OPHN1: variants seen among roughly 807,000 people sequenced by gnomAD.
OPHN1 encodes oligophrenin-1.
In OPHN1, 11 loss-of-function variants were observed where a neutral mutation model predicts 60.7. The observed-to-expected ratio is 0.18, with a 90% CI of 0.11 to 0.30. OPHN1 has a LOEUF of 0.30. Among genes scored for constraint, OPHN1 ranks in the 10% least tolerant of loss-of-function variants. The probability of loss-of-function intolerance (pLI) is 1.00; values close to 1 mark genes in which losing one functional copy is unlikely to be tolerated. For missense variants in OPHN1, 449 were observed against 611.0 expected, an observed-to-expected ratio of 0.73 and a Z score of 2.80; for synonymous variants, 226 against 222.6, an observed-to-expected ratio of 1.02 and a Z score of -0.14.
chrX:68,174,618 C>T (rs1397495715), intron 15 of OPHN1, among the ~76,000 whole-genome samples: 7 of 108,236 alleles, frequency 6.5e-5, no homozygotes, highest in Non-Finnish European at 1.1e-4. Flanking sequence ...ACTATAAGCC[C>T]AAGCCACCAC....
At chrX:68,140,367 A>C (rs1213504996) in intron 15 of OPHN1, among the ~76,000 whole-genome samples, 1 of 112,401 alleles carries the variant, frequency 8.9e-6, no homozygotes, top group Non-Finnish European at 1.9e-5. Context: ...GTCTATAATC[A>C]GAAAAGCAAA....
At chrX:68,429,450 G>C (rs2078874898) in intron 2 of OPHN1, among the ~76,000 whole-genome samples, 2 of 110,834 alleles carry the variant, frequency 1.8e-5, no homozygotes, top group Non-Finnish European at 3.8e-5. Flanking sequence ...TTGGCTGGGT[G>C]TGGTGACTCA....
chrX:68,215,370 C>T (rs1387477755), intron 6 of OPHN1, among the ~76,000 whole-genome samples: 2 of 110,900 alleles, frequency 1.8e-5, no homozygotes, highest in Non-Finnish European at 3.8e-5. Context: ...TTTCAGAGTA[C>T]CAATAGGAGA....
At chrX:68,227,079 A>T (rs143654645) in intron 6 of OPHN1, among the ~76,000 whole-genome samples, 2,544 of 111,395 alleles carry the variant, frequency 0.023, 67 homozygotes, top group African/African-American at 0.078. Context: ...AAGCAAATGG[A>T]AAACAAAAAA....
chrX:68,379,908 C>T (rs779764406), intron 2 of OPHN1, among the ~76,000 whole-genome samples: 1 of 109,125 alleles, frequency 9.2e-6, no homozygotes, highest in Admixed American at 9.7e-5. Context: ...TGTGTCTCTG[C>T]CCGGCTTTGG....
At chrX:68,419,319 C>A (rs988483661) in intron 2 of OPHN1, among the ~76,000 whole-genome samples, 1 of 109,081 alleles carries the variant, frequency 9.2e-6, no homozygotes, top group African/African-American at 3.3e-5. Flanking sequence ...ACTCTGCTAG[C>A]GTGGCCATCC....
chrX:68,375,525 T>C (rs150158431), intron 2 of OPHN1, among the ~76,000 whole-genome samples: 3,043 of 111,267 alleles, frequency 0.027, 46 homozygotes, highest in Non-Finnish European at 0.043. Context: ...TTTACTTAGA[T>C]GAGAAGAGCT....
chrX:68,226,470 C>A, intron 6 of OPHN1, among the ~76,000 whole-genome samples: 1 of 111,265 alleles, frequency 9.0e-6, no homozygotes, highest in East Asian at 2.8e-4. Context: ...ATGTTAAGGG[C>A]AGCCAGAGAG....
At chrX:68,053,907 C>T (rs2076862492) in intron 21 of OPHN1, 97 bp from the exon 22 acceptor site, 1 of 892,694 alleles carries the variant, frequency 1.1e-6, no homozygotes, top group Non-Finnish European at 1.6e-6. Flanking sequence ...GGGCCAACTT[C>T]CTTGGCCTCC....
At chrX:68,232,028 T>G (rs1016227749) in intron 6 of OPHN1, among the ~76,000 whole-genome samples, 1 of 111,901 alleles carries the variant, frequency 8.9e-6, no homozygotes, top group African/African-American at 3.2e-5. Context: ...CTATTTAATT[T>G]TCTGTAAACC....
Position 68,312,252 on chromosome X carries a change from ATTTTTTTT to A in OPHN1, c.155-13164_155-13157del, listed in dbSNP as rs1238021221. 3.2e-3 allele frequency among the ~76,000 whole-genome samples: 221 copies of A among 69,819 alleles called. 1 individual carries two copies. The highest frequency in any genetic ancestry group is 0.013 in the African/African-American group (200 of 15,000). 60.6% of individuals were successfully genotyped at this position (69,819 alleles called of 115,157 possible). ...TGGCATGTACCACTAGGCTCGGCTAATTTTTTTTTTTTTTTTTTTTTTTTGTAGAGACG... is the reference window on the plus strand; with the variant it reads ...TGGCATGTACCACTAGGCTCGGCTAATTTTTTTTTTTTTTTTGTAGAGACG... On this transcript the variant is annotated intron_variant, in intron 2 of 24. Coordinates refer to ENST00000355520, the MANE Select transcript of OPHN1 (RefSeq NM_002547.3).
chrX:68,069,155 G>T (rs1345569138), intron 20 of OPHN1, among the ~76,000 whole-genome samples: 1 of 111,815 alleles, frequency 8.9e-6, no homozygotes, highest in African/African-American at 3.3e-5. Flanking sequence ...ACCACAGAGG[G>T]GCAAATTGAG....
intron 2 of OPHN1, among the ~76,000 whole-genome samples, chrX:68,416,109 G>C (rs2078797766): frequency 1.1e-5 from 1 of 92,320 alleles, no homozygotes; most frequent in Non-Finnish European, 2.1e-5. Flanking sequence ...GAGAGAGAGA[G>C]AGCGCTCACT....
chrX:68,416,546 G>C (rs959776992), intron 2 of OPHN1, among the ~76,000 whole-genome samples: 3 of 111,692 alleles, frequency 2.7e-5, no homozygotes, highest in African/African-American at 9.8e-5. Flanking sequence ...AGTTTCTTGA[G>C]ATCAGAACTG....
At chrX:68,323,360 C>T (rs1359096174) in intron 2 of OPHN1, among the ~76,000 whole-genome samples, 1 of 111,520 alleles carries the variant, frequency 9.0e-6, no homozygotes, top group Non-Finnish European at 1.9e-5. Flanking sequence ...TTTCTCTTCC[C>T]TCACATGTCT....
In OPHN1 at chrX:68,201,606, C is replaced by A. The variant is rs369440570; in HGVS notation, c.1025+13G>T. 8.4e-7 allele frequency: 1 copy of A among 1,195,709 alleles called. No individual in the cohort carries two copies. Among genetic ancestry groups the A allele is most frequent in the Non-Finnish European group, 1.1e-6 (1 of 881,017 alleles). On this transcript the variant is annotated intron_variant, in intron 11 of 24. Transcript: ENST00000355520. Reference sequence around the variant, plus strand: ...ACGTGGGGACATTGCCAATTCACAGCGGCACAGCTTACCTTTCATTAGTTT... The same window carrying A: ...ACGTGGGGACATTGCCAATTCACAGAGGCACAGCTTACCTTTCATTAGTTT...
At chrX:68,119,694 C>T (rs1232244682) in intron 15 of OPHN1, among the ~76,000 whole-genome samples, 2 of 111,379 alleles carry the variant, frequency 1.8e-5, no homozygotes, top group East Asian at 2.8e-4. Context: ...AAACTCCTTG[C>T]GAACCAGCAC....
intron 3 of OPHN1, among the ~76,000 whole-genome samples, chrX:68,285,901 T>C (rs1315111735): frequency 1.8e-5 from 2 of 111,101 alleles, no homozygotes; most frequent in Non-Finnish European, 3.8e-5. Flanking sequence ...ATTGATATTG[T>C]CTATTTTGTG....
intron 2 of OPHN1, among the ~76,000 whole-genome samples, chrX:68,347,207 T>C (rs951382888): frequency 4.5e-5 from 5 of 111,487 alleles, no homozygotes; most frequent in African/African-American, 1.6e-4. Flanking sequence ...CTCATTTCCT[T>C]CATCAGTAAA....
Sources: gnomAD v4.1 joint callset for allele counts (sites outside exome capture counted in the v4.1 genomes callset) on GRCh38, gnomAD v4.1.1 for gene constraint, MANE v1.5 for transcripts, NCBI Gene and HGNC (gene_info 2026-07-23, HGNC 2026-07-21) for gene names.